MGAT4C: variants seen among roughly 807,000 people sequenced by gnomAD.
The protein encoded by MGAT4C is alpha-1,3-mannosyl-glycoprotein 4-beta-N-acetylglucosaminyltransferase C.
In MGAT4C, 19 loss-of-function variants were observed where a neutral mutation model predicts 40.1. The ratio of observed to expected loss-of-function variants is 0.47; its 90% CI spans 0.33 to 0.70. MGAT4C has a LOEUF of 0.70. Ranked by LOEUF, MGAT4C falls within the 30% of genes least tolerant of loss-of-function variation. The pLI, the probability that MGAT4C is intolerant of heterozygous loss-of-function variation, is 0.02. For synonymous variants in MGAT4C, 181 were observed against 187.1 expected, an observed-to-expected ratio of 0.97 and a Z score of 0.27; for missense variants, 491 against 563.2, an observed-to-expected ratio of 0.87 and a Z score of 1.30.
intron 3 of MGAT4C, among the ~76,000 whole-genome samples, chr12:86,433,193 G>A (rs755487597): frequency 2.9e-4 from 44 of 151,936 alleles, no homozygotes; most frequent in Admixed American, 1.4e-3. Context: ...TAAAGCATGT[G>A]TATGTATGTT....
chr12:86,475,093 G>T (rs535314991), intron 2 of MGAT4C, among the ~76,000 whole-genome samples: 1 of 151,994 alleles, frequency 6.6e-6, no homozygotes, highest in African/African-American at 2.4e-5. Flanking sequence ...AAGGACTAAA[G>T]TCAGAATGCT....
intron 2 of MGAT4C, among the ~76,000 whole-genome samples, chr12:86,540,205 C>T (rs1056615353): frequency 2.5e-4 from 38 of 152,282 alleles, no homozygotes; most frequent in Non-Finnish European, 4.1e-4. Context: ...ACTACTGAAG[C>T]TAGGTATTTA....
rs199928096 is a variant in MGAT4C, at chr12:86,127,056, CA to C, written c.-56-77334del. 6.3e-3 allele frequency among the ~76,000 whole-genome samples: 965 copies of C among 152,270 alleles called. 6 individuals carry two copies. The highest frequency in any genetic ancestry group is 0.022 in the African/African-American group (928 of 41,534). On this transcript the variant is annotated intron_variant, in intron 1 of 4. Transcript: ENST00000611864. Reference sequence around the variant, plus strand: ...GAATCTAATGCTGCAGCTGGTCTGACAGGAGGTGGAGCAGTAATGCTTACTA... The same window carrying C: ...GAATCTAATGCTGCAGCTGGTCTGACGGAGGTGGAGCAGTAATGCTTACTA...
At chr12:86,253,350 G>A (rs1289249672) in intron 1 of MGAT4C, among the ~76,000 whole-genome samples, 2 of 151,746 alleles carry the variant, frequency 1.3e-5, no homozygotes, top group Non-Finnish European at 2.9e-5. Flanking sequence ...GAGAGAGAAA[G>A]AGAAAGAAAG....
intron 4 of MGAT4C, among the ~76,000 whole-genome samples, chr12:86,285,887 C>A (rs1000941698): frequency 4.0e-5 from 6 of 151,726 alleles, no homozygotes; most frequent in African/African-American, 1.5e-4. Flanking sequence ...TCTTTAATGA[C>A]ATAAAAATGC....
intron 2 of MGAT4C, among the ~76,000 whole-genome samples, chr12:86,514,360 C>T (rs1237785644): frequency 7.2e-5 from 11 of 152,074 alleles, no homozygotes; most frequent in Admixed American, 7.2e-4. Flanking sequence ...CCATGAACTA[C>T]GTGGCTTAAA....
chr12:86,408,479 C>CTCTCTCTCTCTCTCTCTCTA (rs1267344319), intron 3 of MGAT4C, among the ~76,000 whole-genome samples: 4 of 63,368 alleles, frequency 6.3e-5, no homozygotes, highest in African/African-American at 2.4e-4. Flanking sequence ...CTCTCTCTCT[C>CTCTCTCTCTCTCTCTCTCTA]TATATATATA....
intron 4 of MGAT4C, among the ~76,000 whole-genome samples, chr12:86,293,723 C>A (rs1425688494): frequency 1.3e-5 from 2 of 152,154 alleles, no homozygotes; most frequent in East Asian, 3.9e-4. Context: ...AAGGGAGCAC[C>A]CAGGTGGAGG....
At chr12:86,005,677 T>C (rs1396533316) in intron 2 of MGAT4C, among the ~76,000 whole-genome samples, 2 of 152,198 alleles carry the variant, frequency 1.3e-5, no homozygotes, top group Non-Finnish European at 2.9e-5. Flanking sequence ...TGATGGCTAG[T>C]TCTTGGCTGG....
At chr12:86,357,955 T>C (rs1955355755) in intron 3 of MGAT4C, among the ~76,000 whole-genome samples, 1 of 151,942 alleles carries the variant, frequency 6.6e-6, no homozygotes, top group Non-Finnish European at 1.5e-5. Flanking sequence ...CAGGCCAACA[T>C]TCAAATTCAG....
intron 1 of MGAT4C, among the ~76,000 whole-genome samples, chr12:86,200,123 A>ATTTTTT (rs1382781953): frequency 3.2e-5 from 1 of 31,696 alleles, no homozygotes; most frequent in East Asian, 1.6e-3. Context: ...AATAGTATGT[A>ATTTTTT]TTTGTTTTTT....
rs1883647177 is a variant in MGAT4C, at chr12:85,972,114, A to T, written c.*7175T>A. 1.3e-5 allele frequency: 2 copies of T among 151,070 alleles called. No homozygotes were observed. The allele number at this position is 151,070 out of a possible 1,614,324, so 9.4% of individuals were successfully genotyped here. ...AAATCTTCTTGACAATTTGTGACAA[A>T]TTTTCTAAATGTTTTTCCAAAAATA... On this transcript the variant is annotated 3_prime_UTR_variant, in exon 5 of 5. Transcript: ENST00000611864.
At chr12:86,700,685 A>G (rs1950346489) in intron 2 of MGAT4C, among the ~76,000 whole-genome samples, 1 of 152,136 alleles carries the variant, frequency 6.6e-6, no homozygotes, top group Non-Finnish European at 1.5e-5. Flanking sequence ...AAATGACCAT[A>G]ACTTTCCTGT....
At chr12:86,072,674 G>A (rs1868802327) in intron 1 of MGAT4C, among the ~76,000 whole-genome samples, 1 of 152,166 alleles carries the variant, frequency 6.6e-6, no homozygotes, top group Non-Finnish European at 1.5e-5. Flanking sequence ...GAGCGAAACA[G>A]AGTGGAGGAG....
intron 2 of MGAT4C, among the ~76,000 whole-genome samples, chr12:86,436,940 G>T (rs1957148295): frequency 6.6e-6 from 1 of 151,588 alleles, no homozygotes; most frequent in Admixed American, 6.6e-5. Context: ...CTAAGTGACA[G>T]GTTTTTTGTT....
chr12:86,394,877 A>C (rs1037751152), intron 3 of MGAT4C, among the ~76,000 whole-genome samples: 8 of 151,602 alleles, frequency 5.3e-5, no homozygotes, highest in Non-Finnish European at 1.0e-4. Context: ...CAGCCTCCCA[A>C]AGTGCTGGGA....
intron 1 of MGAT4C, among the ~76,000 whole-genome samples, chr12:86,834,181 GATATAGA>G (rs1952990188): frequency 1.9e-5 from 1 of 53,348 alleles, no homozygotes; most frequent in African/African-American, 5.1e-5. Context: ...GATAGATATA[GATATAGA>G]TATAGATATA....
At chr12:86,815,066 G>A (rs11104107) in intron 1 of MGAT4C, among the ~76,000 whole-genome samples, 14,698 of 151,848 alleles carry the variant, frequency 0.097, 972 homozygotes, top group Non-Finnish European at 0.14. Flanking sequence ...GAGACCTTAG[G>A]GTTTTCAAGG....
At chr12:86,745,743 A>G (rs1266109967) in intron 1 of MGAT4C, among the ~76,000 whole-genome samples, 1 of 151,636 alleles carries the variant, frequency 6.6e-6, no homozygotes, top group African/African-American at 2.4e-5. Context: ...TTTTAATAAA[A>G]CTACAAAAAT....
Sources: allele counts gnomAD v4.1 joint callset (sites outside exome capture counted in the v4.1 genomes callset), GRCh38; gene constraint gnomAD v4.1.1; transcripts MANE v1.5; gene names NCBI Gene and HGNC (gene_info 2026-07-23, HGNC 2026-07-21).